The following BCAS3 variants were observed in gnomAD, a reference collection of about 807,000 sequenced individuals.
BCAS3 encodes the protein BCAS3 microtubule associated cell migration factor.
BCAS3 carries 53 observed loss-of-function variants against 116.1 expected under a neutral mutation model. The ratio of observed to expected loss-of-function variants is 0.46; its 90% CI spans 0.37 to 0.57. The LOEUF (loss-of-function observed/expected upper bound fraction) is 0.57. Among genes scored for constraint, BCAS3 ranks in the 20% least tolerant of loss-of-function variants. The pLI, the probability that BCAS3 is intolerant of heterozygous loss-of-function variation, is 0.00. For missense variants in BCAS3, 917 were observed against 1,165.4 expected, an observed-to-expected ratio of 0.79 and a Z score of 3.10; for synonymous variants, 391 against 408.2, an observed-to-expected ratio of 0.96 and a Z score of 0.51.
chr17:60,999,414 A>T (rs2064071886), intron 15 of BCAS3, among the ~76,000 whole-genome samples: 1 of 151,874 alleles, frequency 6.6e-6, no homozygotes, highest in Non-Finnish European at 1.5e-5. Flanking sequence ...GGTGGTGTGC[A>T]CCTGTAATCC....
At chr17:60,696,526 C>T (rs2035614098) in intron 4 of BCAS3, 1 of 152,222 alleles carries the variant, frequency 6.6e-6, no homozygotes. Context: ...GTTAAAACTC[C>T]CATGCTGATG....
chr17:61,153,883 C>T (rs375608291), intron 22 of BCAS3, among the ~76,000 whole-genome samples: 45 of 152,262 alleles, frequency 3.0e-4, no homozygotes, highest in African/African-American at 8.9e-4. Context: ...GTTTTCCAAA[C>T]GAATTAACAA....
intron 22 of BCAS3, among the ~76,000 whole-genome samples, chr17:61,197,065 A>G (rs1314594320): frequency 6.6e-6 from 1 of 152,196 alleles, no homozygotes; most frequent in Non-Finnish European, 1.5e-5. Flanking sequence ...TATCCAACAG[A>G]ATAACAAATA....
Position 61,380,597 on chromosome 17 carries a change from T to G in BCAS3, c.2594-11380T>G. On this transcript the variant is annotated intron_variant, in intron 23 of 23. Transcript: ENST00000407086. This position sits in a 1 kb window ranked among gnomAD's most constrained non-coding sequence, Gnocchi z 4.2. ...GTATGTAACGTCCTATCTTTGCCTA[T>G]GTGGAAGGGGTTGTCCCGTTGCTTC... is the stretch of plus-strand genomic sequence containing the variant. 3 of 1,590,524 alleles carry G rather than the reference T, an allele frequency of 1.9e-6. No homozygotes were observed. The highest frequency in any genetic ancestry group is 2.6e-6 in the Non-Finnish European group (3 of 1,172,966).
chr17:60,790,517 A>C (rs1310414526), intron 6 of BCAS3, among the ~76,000 whole-genome samples: 1 of 152,160 alleles, frequency 6.6e-6, no homozygotes, highest in Admixed American at 6.5e-5. Context: ...TTTTTAACTT[A>C]TGCTTGGATC....
chr17:60,813,568 A>T (rs548397666), intron 7 of BCAS3, among the ~76,000 whole-genome samples: 2 of 152,346 alleles, frequency 1.3e-5, no homozygotes, highest in South Asian at 4.1e-4. Context: ...TATTCACAAA[A>T]AATATTCACT....
intron 22 of BCAS3, among the ~76,000 whole-genome samples, chr17:61,174,699 T>C (rs756266768): frequency 1.3e-5 from 2 of 152,174 alleles, no homozygotes; most frequent in South Asian, 2.1e-4. Context: ...ATGGTTTGTA[T>C]GGTTAAAATA....
Position 61,265,938 on chromosome 17 carries a change from C to T in BCAS3, c.2426-102389C>T, listed in dbSNP as rs2049660416. Reference sequence around the variant, plus strand: ...AAATGTCTTTATCTTGTGGAAAATCCAGTGTCACCTTTCATAGATACTAAA... The same window carrying T: ...AAATGTCTTTATCTTGTGGAAAATCTAGTGTCACCTTTCATAGATACTAAA... On this transcript the variant is annotated intron_variant, in intron 22 of 23. Transcript: ENST00000407086. The surrounding 1 kb of genome is among the most constrained non-coding windows in gnomAD (Gnocchi z 4.3). Among the ~76,000 whole-genome samples, 1 of 152,122 alleles carries T rather than the reference C, an allele frequency of 6.6e-6. No homozygotes were observed.
chr17:61,169,280 A>G (rs1038848480), intron 22 of BCAS3, among the ~76,000 whole-genome samples: 4 of 152,226 alleles, frequency 2.6e-5, no homozygotes, highest in African/African-American at 9.7e-5. Context: ...CAAAATGGCA[A>G]ATCATATTAA....
rs2047773730 is a variant in BCAS3 at position 61,244,541 on chromosome 17, C to CAT, written c.2426-123784_2426-123783dup. 6.6e-6 allele frequency among the ~76,000 whole-genome samples: 1 copy of CAT among 152,182 alleles called. No homozygotes were observed. The highest frequency in any genetic ancestry group is 1.5e-5 in the Non-Finnish European group (1 of 68,030). On this transcript the variant is annotated intron_variant, in intron 22 of 23. Transcript: ENST00000407086. This position sits in a 1 kb window ranked among gnomAD's most constrained non-coding sequence, Gnocchi z 4.9. ...TACTGTTAAAATTACCCAAATCTCA[C>CAT]ATACTTTATTCAGTCTATATTTTTA...
At chr17:60,737,383 A>G (rs1168191964) in intron 5 of BCAS3, among the ~76,000 whole-genome samples, 1 of 151,962 alleles carries the variant, frequency 6.6e-6, no homozygotes. Flanking sequence ...TTCTGTTTTC[A>G]ATTTCATTGA....
At chr17:61,185,658 G>GA (rs998556591) in intron 22 of BCAS3, among the ~76,000 whole-genome samples, 13 of 150,976 alleles carry the variant, frequency 8.6e-5, no homozygotes, top group Non-Finnish European at 1.6e-4. Flanking sequence ...GTGCAAGACA[G>GA]AAAAAAAAAT....
chr17:61,055,447 A>C (rs1699950874), intron 19 of BCAS3, among the ~76,000 whole-genome samples: 1 of 152,210 alleles, frequency 6.6e-6, no homozygotes, highest in African/African-American at 2.4e-5. Flanking sequence ...AAAAGCCTGA[A>C]TGACCAATCC....
At position 61,134,146 on chromosome 17, in the gene BCAS3, A is replaced by C. The variant is rs540055563; in HGVS notation, c.2425+49582A>C. 9.8e-5 allele frequency among the ~76,000 whole-genome samples: 15 copies of C among 152,362 alleles called. No homozygotes were observed. The East Asian group carries it at 2.9e-3, about 29-fold the overall frequency. The stretch of plus-strand genomic sequence containing the variant: ...TCATATAGTCTGCTATAGTCTGGCC[A>C]GTATGAATTAAATAAAAGTCACATT... On this transcript the variant is annotated intron_variant, in intron 22 of 23. Coordinates refer to ENST00000407086, the MANE Select transcript of BCAS3 (RefSeq NM_017679.5). The surrounding 1 kb of genome is among the most constrained non-coding windows in gnomAD (Gnocchi z 4.6).
At chr17:60,888,715 T>TA (rs1305944716) in intron 9 of BCAS3, among the ~76,000 whole-genome samples, 5 of 152,190 alleles carry the variant, frequency 3.3e-5, no homozygotes. Context: ...ATTGCAAACA[T>TA]ACTCCTTCAA....
rs916786348 is a variant in BCAS3 at position 61,097,327 on chromosome 17, C to T, written c.2425+12763C>T. On this transcript the variant is annotated intron_variant, in intron 22 of 23. Transcript: ENST00000407086. The surrounding 1 kb of genome is among the most constrained non-coding windows in gnomAD (Gnocchi z 4.0). Reference sequence around the variant, plus strand: ...CCGAGTAGCTGGGACTACAGGCGCCCGCCACCACGCCTGGCTAATTTTTTG... The same window carrying T: ...CCGAGTAGCTGGGACTACAGGCGCCTGCCACCACGCCTGGCTAATTTTTTG... Among the ~76,000 whole-genome samples the T allele has an allele frequency of 6.6e-6, 1 of 152,056 alleles. No individual in the cohort carries two copies. The highest frequency in any genetic ancestry group is 6.6e-5 in the Admixed American group (1 of 15,254).
chr17:60,754,314 C>T (rs11650496), intron 6 of BCAS3, among the ~76,000 whole-genome samples: 110,144 of 151,848 alleles, frequency 0.73, 45,643 homozygotes, highest in South Asian at 0.98. Flanking sequence ...CAAGTGATCC[C>T]CCTTCCTCAA....
At chr17:60,923,785 C>T (rs543977806) in intron 12 of BCAS3, among the ~76,000 whole-genome samples, 1 of 152,196 alleles carries the variant, frequency 6.6e-6, no homozygotes, top group African/African-American at 2.4e-5. Flanking sequence ...AAAAGAAACT[C>T]CATTTGAGAT....
At chr17:60,763,712 A>G (rs554010608) in intron 6 of BCAS3, among the ~76,000 whole-genome samples, 2 of 152,296 alleles carry the variant, frequency 1.3e-5, no homozygotes, top group Admixed American at 1.3e-4. Flanking sequence ...TGGCCTCATA[A>G]AATGAGTTAG....
Sources: gnomAD v4.1 joint callset for allele counts (sites outside exome capture counted in the v4.1 genomes callset) on GRCh38, gnomAD v4.1.1 for gene constraint, Gnocchi (gnomAD v3.1) non-coding constraint, MANE v1.5 for transcripts, NCBI Gene and HGNC (gene_info 2026-07-23, HGNC 2026-07-21) for gene names.